PSD3: variants seen among roughly 807,000 people sequenced by gnomAD.
The protein encoded by PSD3 is PH and SEC7 domain-containing protein 3.
In PSD3, 49 loss-of-function variants were observed where a neutral mutation model predicts 105.5. The ratio of observed to expected loss-of-function variants is 0.46; its 90% CI spans 0.37 to 0.59. The LOEUF (loss-of-function observed/expected upper bound fraction) is 0.59. PSD3 is among the 20% of genes least tolerant of loss of function. The probability of loss-of-function intolerance (pLI) is 0.00; values close to 1 mark genes in which losing one functional copy is unlikely to be tolerated. For missense variants in PSD3, 1,561 were observed against 1,263.8 expected (o/e 1.24, Z -3.57); for synonymous variants, 557 against 457.8 (o/e 1.22, Z -2.77).
chr8:18,901,168 T>C (rs1819478510), intron 2 of PSD3, among the ~76,000 whole-genome samples: 1 of 152,188 alleles, frequency 6.6e-6, no homozygotes, highest in Admixed American at 6.5e-5. Flanking sequence ...CTCTTGTTCA[T>C]TTTTCCAGTA....
chr8:18,750,152 G>C (rs1805353142), intron 9 of PSD3, among the ~76,000 whole-genome samples: 1 of 152,198 alleles, frequency 6.6e-6, no homozygotes, highest in Admixed American at 6.5e-5. Flanking sequence ...CTATTTAATA[G>C]TTCAAGTCTC....
At chr8:19,058,080 C>T (rs530104690) in intron 1 of PSD3, among the ~76,000 whole-genome samples, 2 of 152,206 alleles carry the variant, frequency 1.3e-5, no homozygotes, top group South Asian at 4.2e-4. Flanking sequence ...TAAGGGTCAC[C>T]TGTAAGTGGA....
chr8:18,762,613 C>T (rs1447844979), intron 9 of PSD3, among the ~76,000 whole-genome samples: 1 of 152,116 alleles, frequency 6.6e-6, no homozygotes, highest in African/African-American at 2.4e-5. Context: ...ACACTGTAAA[C>T]ACCCTGTAGG....
chr8:18,878,085 G>A (rs559574148), intron 2 of PSD3, among the ~76,000 whole-genome samples: 7 of 152,060 alleles, frequency 4.6e-5, no homozygotes, highest in South Asian at 2.1e-4. Flanking sequence ...TACATCTTTC[G>A]TTCCATGACC....
intron 11 of PSD3, among the ~76,000 whole-genome samples, chr8:18,627,196 G>A (rs1400576627): frequency 6.6e-6 from 1 of 152,080 alleles, no homozygotes; most frequent in Non-Finnish European, 1.5e-5. Context: ...GGTTCCAACA[G>A]TGGAAGAGGG....
chr8:18,706,293 A>C (rs930049000), intron 9 of PSD3, among the ~76,000 whole-genome samples: 8 of 152,320 alleles, frequency 5.3e-5, no homozygotes, highest in African/African-American at 1.9e-4. Context: ...GTAAATACAC[A>C]ATGCAATATT....
intron 13 of PSD3, among the ~76,000 whole-genome samples, chr8:18,574,056 T>A (rs1467533234): frequency 2.0e-5 from 3 of 152,142 alleles, no homozygotes; most frequent in African/African-American, 7.2e-5. Context: ...AGCCCAAGAT[T>A]CACAGCACTT....
chr8:18,673,978 C>T (rs1359702665), intron 9 of PSD3, among the ~76,000 whole-genome samples: 4 of 151,822 alleles, frequency 2.6e-5, no homozygotes, highest in African/African-American at 4.8e-5. Context: ...CCTATCTCTA[C>T]AAAAAAATTA....
At chr8:19,040,157 C>T (rs1828073231) in intron 1 of PSD3, among the ~76,000 whole-genome samples, 1 of 152,158 alleles carries the variant, frequency 6.6e-6, no homozygotes, top group Non-Finnish European at 1.5e-5. Context: ...GAGCCAGGAC[C>T]CTAGGCCTCA....
At chr8:18,558,774 T>G (rs984739360) in intron 14 of PSD3, among the ~76,000 whole-genome samples, 7 of 152,144 alleles carry the variant, frequency 4.6e-5, no homozygotes, top group Non-Finnish European at 8.8e-5. Flanking sequence ...TGAGTCGAGG[T>G]TGCGCCACTG....
At chr8:18,639,546 T>C (rs775278827) in intron 10 of PSD3, among the ~76,000 whole-genome samples, 2 of 152,110 alleles carry the variant, frequency 1.3e-5, no homozygotes, top group Non-Finnish European at 2.9e-5. Context: ...TGGGCCCTAA[T>C]CTAACAATAT....
chr8:18,842,363 G>C (rs1814696564), intron 4 of PSD3, among the ~76,000 whole-genome samples: 2 of 152,144 alleles, frequency 1.3e-5, no homozygotes, highest in South Asian at 4.1e-4. Context: ...CTCTCATAAG[G>C]GATTTACATG....
At chr8:18,789,654 A>C (rs140409838) in intron 8 of PSD3, among the ~76,000 whole-genome samples, 1 of 152,196 alleles carries the variant, frequency 6.6e-6, no homozygotes, top group African/African-American at 2.4e-5. Flanking sequence ...TAAAATTTGA[A>C]AAGATAAACA....
At chr8:18,624,027 T>A (rs1046314993) in intron 11 of PSD3, among the ~76,000 whole-genome samples, 1 of 152,204 alleles carries the variant, frequency 6.6e-6, no homozygotes, top group Non-Finnish European at 1.5e-5. Flanking sequence ...ATCCATTCAA[T>A]CTCTTATTAA....
At chr8:18,839,764 C>T (rs192502417) in intron 4 of PSD3, among the ~76,000 whole-genome samples, 1 of 152,290 alleles carries the variant, frequency 6.6e-6, no homozygotes. Context: ...TTACTCATCA[C>T]GCAAAGCAAC....
intron 14 of PSD3, among the ~76,000 whole-genome samples, chr8:18,563,628 G>C (rs555606754): frequency 6.6e-6 from 1 of 152,128 alleles, no homozygotes; most frequent in African/African-American, 2.4e-5. Context: ...TATTTAATGA[G>C]TATAAGCAAA....
intron 9 of PSD3, among the ~76,000 whole-genome samples, chr8:18,722,760 G>A (rs1335518103): frequency 4.6e-5 from 7 of 152,078 alleles, no homozygotes; most frequent in South Asian, 2.1e-4. Flanking sequence ...TCTGACCAGC[G>A]CCCCCTTCCA....
chr8:18,741,015 A>G (rs1253428799), intron 9 of PSD3, among the ~76,000 whole-genome samples: 1 of 152,224 alleles, frequency 6.6e-6, no homozygotes, highest in Admixed American at 6.5e-5. Context: ...GAATGAAGGA[A>G]TGAAAGGGAG....
At chr8:19,041,952 A>T (rs569405099) in intron 1 of PSD3, among the ~76,000 whole-genome samples, 15 of 148,760 alleles carry the variant, frequency 1.0e-4, no homozygotes, top group Middle Eastern at 3.4e-3. Flanking sequence ...TGCATTTTTT[A>T]AAAAATTCTA....
Sources: gnomAD v4.1 joint callset for allele counts (sites outside exome capture counted in the v4.1 genomes callset) on GRCh38, gnomAD v4.1.1 for gene constraint, MANE v1.5 for transcripts, NCBI Gene and HGNC (gene_info 2026-07-23, HGNC 2026-07-21) for gene names.